The following DCDC2 variants were observed in gnomAD, a reference collection of about 807,000 sequenced individuals.
DCDC2 encodes the protein doublecortin domain containing 2.
In DCDC2, 40 loss-of-function variants were observed where a neutral mutation model predicts 50.2. That is an observed-to-expected ratio of 0.80 (90% CI 0.62 to 1.04). The LOEUF is 1.04. DCDC2 is among the 50% of genes least tolerant of loss of function. The pLI is 0.00. For synonymous variants in DCDC2, 234 were observed against 210.6 expected (o/e 1.11, Z -0.96); for missense variants, 570 against 581.9 (o/e 0.98, Z 0.21).
the DCDC2 span, among the ~76,000 whole-genome samples, chr6:24,370,849 G>T: frequency 6.6e-6 from 1 of 152,178 alleles, no homozygotes; most frequent in Non-Finnish European, 1.5e-5. Context: ...CAACTCATGT[G>T]TCCATCAATT....
the DCDC2 span, among the ~76,000 whole-genome samples, chr6:24,372,903 A>G: frequency 1.4e-4 from 21 of 152,318 alleles, no homozygotes; most frequent in African/African-American, 4.8e-4. Flanking sequence ...GTACCCTAAA[A>G]CTTAAAGTAT....
chr6:24,205,172 C>T, intron 7 of DCDC2, 70 bp from the exon 8 acceptor site: 2 of 1,614,124 alleles, frequency 1.2e-6, no homozygotes, highest in Non-Finnish European at 1.7e-6. Context: ...GCTGGAATTA[C>T]AATCAAATGC....
intron 7 of DCDC2, among the ~76,000 whole-genome samples, chr6:24,216,305 A>G (rs2113770689): frequency 6.6e-6 from 1 of 152,216 alleles, no homozygotes; most frequent in East Asian, 1.9e-4. Context: ...CAAAGATCGA[A>G]AAGAAATAGT....
chr6:24,347,443 C>G (rs1352750752), intron 2 of DCDC2, among the ~76,000 whole-genome samples: 1 of 152,040 alleles, frequency 6.6e-6, no homozygotes, highest in African/African-American at 2.4e-5. Flanking sequence ...ATTCAACCAA[C>G]CACAGACAAA....
At chr6:24,272,536 A>G (rs1449212632) in intron 7 of DCDC2, among the ~76,000 whole-genome samples, 2 of 152,218 alleles carry the variant, frequency 1.3e-5, no homozygotes, top group East Asian at 1.9e-4. Context: ...TGACAGCCCC[A>G]TTAAAAAGTG....
At chr6:24,194,594 C>T (rs1761390901) in intron 8 of DCDC2, among the ~76,000 whole-genome samples, 1 of 152,120 alleles carries the variant, frequency 6.6e-6, no homozygotes, top group African/African-American at 2.4e-5. Context: ...CTTGCCTGAT[C>T]CTTTATTACT....
intron 4 of DCDC2, among the ~76,000 whole-genome samples, chr6:24,295,203 C>T (rs950600454): frequency 1.3e-5 from 2 of 152,140 alleles, no homozygotes; most frequent in Admixed American, 6.5e-5. Flanking sequence ...ACCACATAAA[C>T]AGAACTTAAA....
chr6:24,277,010 G>A (rs183468424), intron 7 of DCDC2, among the ~76,000 whole-genome samples: 19 of 152,170 alleles, frequency 1.2e-4, no homozygotes, highest in East Asian at 1.2e-3. Context: ...CACCCATTTC[G>A]CCTGTTCTTT....
At chr6:24,286,943 T>C (rs1490184084) in intron 6 of DCDC2, among the ~76,000 whole-genome samples, 1 of 152,148 alleles carries the variant, frequency 6.6e-6, no homozygotes, top group East Asian at 1.9e-4. Context: ...CAGTCTAGGC[T>C]CCTTTCCCCT....
At chr6:24,269,389 G>C (rs1763191248) in intron 7 of DCDC2, among the ~76,000 whole-genome samples, 1 of 152,210 alleles carries the variant, frequency 6.6e-6, no homozygotes. Context: ...TAGGGATAGT[G>C]AATAAAGTCT....
At chr6:24,188,597 C>T (rs1217094160) in intron 8 of DCDC2, among the ~76,000 whole-genome samples, 2 of 152,076 alleles carry the variant, frequency 1.3e-5, no homozygotes, top group African/African-American at 2.4e-5. Flanking sequence ...CTGACATTTA[C>T]GTCAATTTTC....
upstream of DCDC2, among the ~76,000 whole-genome samples, chr6:24,358,691 A>AAT (rs576969706): frequency 5.5e-4 from 16 of 28,984 alleles, no homozygotes; most frequent in South Asian, 4.6e-3. Flanking sequence ...TAGAAAATAA[A>AAT]ATATATATTT....
At position 24,357,708 on chromosome 6, in the gene DCDC2, C is replaced by T. The variant is rs903257085; in HGVS notation, c.43G>A (p.Val15Ile). ...CGGTACACAAGCACGCTCTTCACGA[C>T]GGGCTGAGACAGGTGGCTGGACCTG... ...SARSSHLSQP[V>I]VKSVLVYRNG... Residue 15 changes from valine to isoleucine, a missense_variant, in exon 1 of 10, where the codon GTC becomes ATC. Physicochemically the swap from Val to Ile is conservative, Grantham distance 29. Transcript: ENST00000378454. 7 of 1,612,824 alleles carry T rather than the reference C, an allele frequency of 4.3e-6. No homozygotes were observed. Among genetic ancestry groups the T allele is most frequent in the Admixed American group, 1.7e-5 (1 of 60,020 alleles).
chr6:24,195,893 G>T (rs929402705), intron 8 of DCDC2, among the ~76,000 whole-genome samples: 41 of 152,294 alleles, frequency 2.7e-4, no homozygotes, highest in African/African-American at 9.6e-4. Context: ...CAGACCCATG[G>T]AGAATTGCCT....
chr6:24,260,838 A>G (rs1284323755), intron 7 of DCDC2, among the ~76,000 whole-genome samples: 2 of 152,244 alleles, frequency 1.3e-5, no homozygotes, highest in African/African-American at 2.4e-5. Context: ...TCAATGGTTC[A>G]AGTTTTTGTC....
chr6:24,209,177 T>C (rs1761800694), intron 7 of DCDC2, among the ~76,000 whole-genome samples: 1 of 152,154 alleles, frequency 6.6e-6, no homozygotes. Flanking sequence ...ACATTGAAAA[T>C]TTAAAACACC....
intron 2 of DCDC2, among the ~76,000 whole-genome samples, chr6:24,320,939 A>AGG (rs1759762537): frequency 6.6e-6 from 1 of 151,564 alleles, no homozygotes; most frequent in Admixed American, 6.6e-5. Context: ...GGTGCTGGAA[A>AGG]GTAATTAAAT....
At chr6:24,193,455 G>C (rs1761353360) in intron 8 of DCDC2, among the ~76,000 whole-genome samples, 1 of 152,144 alleles carries the variant, frequency 6.6e-6, no homozygotes, top group Non-Finnish European at 1.5e-5. Context: ...ATAAAATGAA[G>C]ATTTCAGTAT....
In DCDC2 at chr6:24,243,355, A is replaced by G. The variant is rs556337522; in HGVS notation, c.922+34694T>C. Among the ~76,000 whole-genome samples the G allele has an allele frequency of 2.0e-5, 3 of 152,334 alleles. No individual in the cohort carries two copies. In the East Asian group the frequency reaches 5.8e-4, roughly 29 times the overall value. On this transcript the variant is annotated intron_variant, in intron 7 of 9. Coordinates refer to ENST00000378454, the MANE Select transcript of DCDC2 (RefSeq NM_016356.5). ...TGAGGTTGCACACCTCTGGACAGTC[A>G]GACAGAGCACATTTAATCCAGGCTC...
Sources: gnomAD v4.1 joint callset for allele counts (sites outside exome capture counted in the v4.1 genomes callset) on GRCh38, gnomAD v4.1.1 for gene constraint, MANE v1.5 for transcripts, NCBI Gene and HGNC (gene_info 2026-07-23, HGNC 2026-07-21) for gene names.